PALLD: variants seen among roughly 807,000 people sequenced by gnomAD.
The protein encoded by PALLD is palladin, cytoskeletal associated protein.
A neutral mutation model predicts 123.5 loss-of-function variants in PALLD; 61 were observed. The observed-to-expected ratio is 0.49, with a 90% CI of 0.40 to 0.61. PALLD has a LOEUF of 0.61. PALLD is among the 20% of genes least tolerant of loss of function. The pLI, the probability that PALLD is intolerant of heterozygous loss-of-function variation, is 0.00. For missense variants in PALLD, 1,273 were observed against 1,377.0 expected, an observed-to-expected ratio of 0.92 and a Z score of 1.20; for synonymous variants, 465 against 496.4, an observed-to-expected ratio of 0.94 and a Z score of 0.84.
intron 14 of PALLD, among the ~76,000 whole-genome samples, chr4:168,903,352 C>A (rs368055749): frequency 2.6e-5 from 4 of 152,128 alleles, no homozygotes. Context: ...ATTTTATAAA[C>A]AATACATTTT....
At chr4:168,878,335 C>G in intron 10 of PALLD, 1 of 1,521,964 alleles carries the variant, frequency 6.6e-7, no homozygotes, top group Non-Finnish European at 8.8e-7. Context: ...CTCTGCTGCC[C>G]TCGCAGCCGC....
chr4:168,723,611 T>C (rs1786242304), intron 10 of PALLD, among the ~76,000 whole-genome samples: 1 of 152,226 alleles, frequency 6.6e-6, no homozygotes, highest in Non-Finnish European at 1.5e-5. Flanking sequence ...AACCTCTGGA[T>C]GCTAGAGCAG....
intron 2 of PALLD, among the ~76,000 whole-genome samples, chr4:168,642,578 T>G (rs922776167): frequency 6.6e-6 from 1 of 152,058 alleles, no homozygotes; most frequent in East Asian, 1.9e-4. Context: ...ATTTTTGTAT[T>G]TTTAATAGAG....
chr4:168,500,596 G>A (rs1312932512), intron 1 of PALLD, among the ~76,000 whole-genome samples: 1 of 151,972 alleles, frequency 6.6e-6, no homozygotes, highest in Non-Finnish European at 1.5e-5. Context: ...GGCTGGTATT[G>A]AACTCCTGGG....
At chr4:168,515,699 G>C (rs894727318) in intron 2 of PALLD, among the ~76,000 whole-genome samples, 3 of 152,134 alleles carry the variant, frequency 2.0e-5, no homozygotes, top group Non-Finnish European at 2.9e-5. Context: ...GCTGGAACAC[G>C]GGGGAGAAAC....
At chr4:168,582,619 T>C (rs1770403709) in intron 2 of PALLD, among the ~76,000 whole-genome samples, 3 of 152,154 alleles carry the variant, frequency 2.0e-5, no homozygotes, top group African/African-American at 7.2e-5. Flanking sequence ...ACCTATCTCG[T>C]TGAGAATTCT....
At chr4:168,814,517 T>C (rs1741627665) in intron 10 of PALLD, among the ~76,000 whole-genome samples, 1 of 152,188 alleles carries the variant, frequency 6.6e-6, no homozygotes. Context: ...CTGTACTTTA[T>C]AGATGTGGAA....
At chr4:168,838,460 G>A (rs745356794) in intron 10 of PALLD, among the ~76,000 whole-genome samples, 4 of 151,958 alleles carry the variant, frequency 2.6e-5, no homozygotes, top group South Asian at 2.1e-4. Flanking sequence ...AGCGAGGGTC[G>A]GGGAGGGAGT....
At chr4:168,513,919 A>G (rs566518495) in intron 2 of PALLD, among the ~76,000 whole-genome samples, 1 of 152,270 alleles carries the variant, frequency 6.6e-6, no homozygotes, top group South Asian at 2.1e-4. Context: ...AGCCTGGCCA[A>G]CATGGTGAAA....
chr4:168,862,305 T>G (rs1352924310), intron 10 of PALLD, among the ~76,000 whole-genome samples: 3 of 113,352 alleles, frequency 2.6e-5, no homozygotes, highest in African/African-American at 7.6e-5. Context: ...CCATCACACC[T>G]GGCTAATTTT....
intron 2 of PALLD, among the ~76,000 whole-genome samples, chr4:168,666,396 C>T (rs1366539955): frequency 6.6e-6 from 1 of 152,168 alleles, no homozygotes; most frequent in Non-Finnish European, 1.5e-5. Context: ...TGCAGTTCCT[C>T]ACACATAGAA....
At chr4:168,795,967 A>G (rs776287241) in intron 10 of PALLD, among the ~76,000 whole-genome samples, 1 of 152,182 alleles carries the variant, frequency 6.6e-6, no homozygotes, top group Non-Finnish European at 1.5e-5. Context: ...TGATACAGGC[A>G]TGCAATGTGA....
chr4:168,842,112 G>C (rs973075704), intron 10 of PALLD, among the ~76,000 whole-genome samples: 7 of 152,080 alleles, frequency 4.6e-5, no homozygotes, highest in African/African-American at 1.7e-4. Context: ...TTTATATGTG[G>C]CTTTTGGATT....
intron 10 of PALLD, among the ~76,000 whole-genome samples, chr4:168,758,303 A>G (rs953450539): frequency 1.2e-4 from 18 of 152,188 alleles, no homozygotes; most frequent in Admixed American, 1.0e-3. Flanking sequence ...ACATTGATCC[A>G]ACTCAAATTT....
intron 2 of PALLD, among the ~76,000 whole-genome samples, chr4:168,656,186 C>A (rs1778542413): frequency 6.6e-6 from 1 of 152,048 alleles, no homozygotes; most frequent in Admixed American, 6.6e-5. Context: ...GCACCTCTAG[C>A]TGATTTATGT....
At chr4:168,693,614 C>T (rs193293556) in intron 8 of PALLD, among the ~76,000 whole-genome samples, 1 of 152,254 alleles carries the variant, frequency 6.6e-6, no homozygotes, top group East Asian at 1.9e-4. Context: ...ATTCCAACTA[C>T]AATAATAGCA....
At chr4:168,778,406 C>G (rs1024932446) in intron 10 of PALLD, among the ~76,000 whole-genome samples, 1 of 152,040 alleles carries the variant, frequency 6.6e-6, no homozygotes, top group Non-Finnish European at 1.5e-5. Flanking sequence ...TCACTATATT[C>G]AATGTATTTG....
At chr4:168,878,226 C>A in intron 10 of PALLD, 2 of 1,520,668 alleles carry the variant, frequency 1.3e-6, no homozygotes, top group Non-Finnish European at 1.8e-6. Flanking sequence ...CCACTGCCGC[C>A]GCCACCACCG....
intron 2 of PALLD, among the ~76,000 whole-genome samples, chr4:168,660,763 A>G (rs1344581326): frequency 6.6e-6 from 1 of 152,204 alleles, no homozygotes; most frequent in African/African-American, 2.4e-5. Flanking sequence ...AAAATTCAAT[A>G]CTGGAGAATA....
Sources: gnomAD v4.1 joint callset for allele counts (sites outside exome capture counted in the v4.1 genomes callset) on GRCh38, gnomAD v4.1.1 for gene constraint, MANE v1.5 for transcripts, NCBI Gene and HGNC (gene_info 2026-07-23, HGNC 2026-07-21) for gene names.